Variants in COLGALT2 observed in about 807,000 individuals in gnomAD.
COLGALT2 encodes the protein procollagen galactosyltransferase 2.
Under a neutral mutation model 73.4 loss-of-function variants are expected in COLGALT2, and 49 were observed. That is an observed-to-expected ratio of 0.67 (90% confidence interval 0.53 to 0.85). The LOEUF is 0.85. COLGALT2 is among the 40% of genes least tolerant of loss of function. COLGALT2 has a pLI of 0.00. For missense variants in COLGALT2, 722 were observed against 790.2 expected (o/e 0.91, Z 1.03); for synonymous variants, 295 against 307.6 (o/e 0.96, Z 0.43).
chr1:183,954,985 A>T (rs1670513480), intron 6 of COLGALT2, 147 bp from the exon 7 acceptor site: 1 of 662,202 alleles, frequency 1.5e-6, no homozygotes, highest in Non-Finnish European at 2.8e-6. Context: ...AGGATTGAGT[A>T]GCCACACAGG....
In COLGALT2 at chr1:183,999,479, T is replaced by C. The variant is rs536385608; in HGVS notation, c.264-20959A>G. On this transcript the variant is annotated intron_variant, in intron 1 of 11. Coordinates refer to ENST00000361927, the MANE Select transcript of COLGALT2 (RefSeq NM_015101.4). ...CGTTATGTTAACCTCACGAAATAAA[T>C]TGGAAAAAGTATTCCCTGCTTTTCT... is the stretch of plus-strand genomic sequence containing the variant. Among the ~76,000 whole-genome samples, 142 of 152,208 alleles carry C rather than the reference T, an allele frequency of 9.3e-4. 1 individual carries two copies. Among genetic ancestry groups the C allele is most frequent in the Admixed American group, 3.6e-3 (55 of 15,298 alleles).
At chr1:183,943,680 C>T (rs1324423538) in intron 10 of COLGALT2, among the ~76,000 whole-genome samples, 1 of 152,172 alleles carries the variant, frequency 6.6e-6, no homozygotes, top group Non-Finnish European at 1.5e-5. Context: ...ATCTAGTTGT[C>T]CATGTTCTTC....
At chr1:184,023,489 AACCTCCAAAGT>A (rs1649235880) in intron 1 of COLGALT2, among the ~76,000 whole-genome samples, 1 of 152,190 alleles carries the variant, frequency 6.6e-6, no homozygotes. Flanking sequence ...AGGTTCTTCT[AACCTCCAAAGT>A]GCAAATGCAG....
At chr1:184,021,614 G>A (rs2102855332) in intron 1 of COLGALT2, among the ~76,000 whole-genome samples, 1 of 152,220 alleles carries the variant, frequency 6.6e-6, no homozygotes, top group African/African-American at 2.4e-5. Flanking sequence ...ATGAGCCAGT[G>A]AATTCTGTTC....
At chr1:183,979,888 G>C (rs1182462209) in intron 1 of COLGALT2, among the ~76,000 whole-genome samples, 1 of 151,870 alleles carries the variant, frequency 6.6e-6, no homozygotes, top group Non-Finnish European at 1.5e-5. Flanking sequence ...CCCAAAGAAA[G>C]CCTCCATAAA....
chr1:183,954,035 T>C (rs1670484500), intron 7 of COLGALT2, among the ~76,000 whole-genome samples: 1 of 152,164 alleles, frequency 6.6e-6, no homozygotes. Context: ...TGCCCTAGCT[T>C]CTAGACCACC....
intron 1 of COLGALT2, among the ~76,000 whole-genome samples, chr1:184,030,623 A>C (rs927273661): frequency 6.6e-6 from 1 of 152,222 alleles, no homozygotes; most frequent in Non-Finnish European, 1.5e-5. Flanking sequence ...GTTACAAGGC[A>C]TTCATTGTTC....
intron 8 of COLGALT2, 45 bp from the exon 9 acceptor site, chr1:183,945,609 C>T (rs188958833): frequency 2.3e-5 from 37 of 1,608,890 alleles, no homozygotes; most frequent in Non-Finnish European, 3.1e-5. Flanking sequence ...GTCAAAGGTC[C>T]CCACCACAAA....
chr1:184,011,239 T>C (rs1397975672), intron 1 of COLGALT2, among the ~76,000 whole-genome samples: 1 of 152,220 alleles, frequency 6.6e-6, no homozygotes, highest in Non-Finnish European at 1.5e-5. Context: ...GTAAAGTGAA[T>C]GCTAGCTCGC....
At chr1:184,020,727 C>T (rs1012243650) in intron 1 of COLGALT2, among the ~76,000 whole-genome samples, 4 of 152,176 alleles carry the variant, frequency 2.6e-5, no homozygotes, top group Non-Finnish European at 4.4e-5. Flanking sequence ...ATCTGTCTTT[C>T]CCAGTGCACC....
chr1:184,029,478 G>A (rs529802449), intron 1 of COLGALT2, among the ~76,000 whole-genome samples: 5 of 152,152 alleles, frequency 3.3e-5, no homozygotes, highest in East Asian at 1.9e-4. Flanking sequence ...GAAAGACAGC[G>A]GGGACTAACT....
At chr1:183,958,200 C>T (rs1040820353) in intron 6 of COLGALT2, among the ~76,000 whole-genome samples, 1 of 152,172 alleles carries the variant, frequency 6.6e-6, no homozygotes, top group African/African-American at 2.4e-5. Context: ...CATAACCCTT[C>T]TCCCACCTCA....
chr1:183,930,208 T>C (rs1669810722), exon 12 of COLGALT2: 2 of 455,996 alleles, frequency 4.4e-6, no homozygotes, highest in Admixed American at 4.7e-5. Flanking sequence ...TAATGCCTTC[T>C]CCTAGGGTGC....
intron 8 of COLGALT2, among the ~76,000 whole-genome samples, chr1:183,950,474 TA>T (rs200217667): frequency 0.016 from 1,938 of 119,240 alleles, 14 homozygotes; most frequent in East Asian, 0.022. Flanking sequence ...CTGAACAAAA[TA>T]AAAAAAAAAA....
chr1:183,951,931 C>A (rs544064064), intron 7 of COLGALT2, among the ~76,000 whole-genome samples: 2 of 152,200 alleles, frequency 1.3e-5, no homozygotes, highest in Admixed American at 6.5e-5. Context: ...AGCACACTAC[C>A]TGCCTTCAAA....
At chr1:184,011,409 T>A (rs1236466599) in intron 1 of COLGALT2, among the ~76,000 whole-genome samples, 1 of 152,222 alleles carries the variant, frequency 6.6e-6, no homozygotes, top group Admixed American at 6.5e-5. Context: ...CACAACCTCC[T>A]TTTTCTTTCC....
Position 183,937,862 on chromosome 1 carries a change from C to T in COLGALT2, c.*899G>A, listed in dbSNP as rs374099635. On this transcript the variant is annotated 3_prime_UTR_variant, in exon 12 of 12. Transcript: ENST00000361927. The stretch of plus-strand genomic sequence containing the variant: ...CAGTGACTCACAGAACTCACACCTG[C>T]GGTGGGTTCCCAGGCTAAGGGGTGG... 103 of 985,462 alleles carry T rather than the reference C, an allele frequency of 1.0e-4. No individual in the cohort carries two copies. The East Asian group carries it at 8.6e-3, about 82-fold the overall frequency. The allele number at this position is 985,462 out of a possible 1,614,324, so 61.0% of individuals were successfully genotyped here. A position where few individuals can be genotyped will look rare whatever the true frequency, so the allele number is the denominator to read the frequency against.
At chr1:183,954,439 ATCTTAC>A (rs1273606237) in intron 7 of COLGALT2, among the ~76,000 whole-genome samples, 1 of 152,218 alleles carries the variant, frequency 6.6e-6, no homozygotes, top group Non-Finnish European at 1.5e-5. Flanking sequence ...TATCCTCTGT[ATCTTAC>A]TCTTGAATTT....
intron 7 of COLGALT2, among the ~76,000 whole-genome samples, 199 bp from the exon 8 acceptor site, chr1:183,951,312 A>G (rs1479556143): frequency 1.3e-5 from 2 of 152,136 alleles, no homozygotes; most frequent in Non-Finnish European, 2.9e-5. Flanking sequence ...TCAAAACTCA[A>G]CTCTTCGTAG....
Sources: gnomAD v4.1 joint callset for allele counts (sites outside exome capture counted in the v4.1 genomes callset) on GRCh38, gnomAD v4.1.1 for gene constraint, MANE v1.5 for transcripts, NCBI Gene and HGNC (gene_info 2026-07-23, HGNC 2026-07-21) for gene names.